Variants in PPARA observed in about 807,000 individuals in gnomAD.
PPARA encodes the protein peroxisome proliferator-activated receptor alpha.
PPARA carries 22 observed loss-of-function variants against 42.2 expected under a neutral mutation model. The ratio of observed to expected loss-of-function variants is 0.52; its 90% confidence interval spans 0.37 to 0.74. The LOEUF is 0.74. Ranked by LOEUF, PPARA falls within the 30% of genes least tolerant of loss-of-function variation. PPARA has a pLI of 0.00. For synonymous variants in PPARA, 242 were observed against 239.3 expected, an observed-to-expected ratio of 1.01 and a Z score of -0.10; for missense variants, 465 against 608.2, an observed-to-expected ratio of 0.76 and a Z score of 2.48.
rs112777348 is a variant in PPARA at position 46,222,076 on chromosome 22, C to CA, written c.711+2073dup. ...TGGGCAACAGAGTGAGACTCTGTCT[C>CA]AAAAAAAAAAAGAAAGGAAAAGAAA... On this transcript the variant is annotated intron_variant, in intron 7 of 8. Coordinates refer to ENST00000407236, the MANE Select transcript of PPARA (RefSeq NM_005036.6). This position sits in a 1 kb window ranked among gnomAD's most constrained non-coding sequence, Gnocchi z 5.9. Among the ~76,000 whole-genome samples, 2,475 of 140,914 alleles carry CA rather than the reference C, an allele frequency of 0.018. 70 individuals are homozygous for CA. Among genetic ancestry groups the CA allele is most frequent in the African/African-American group, 0.056 (2,177 of 38,554 alleles). 92.4% of individuals were successfully genotyped at this position (140,914 alleles called of 152,430 possible).
At chr22:46,175,652 T>C (rs1928930608) in intron 2 of PPARA, among the ~76,000 whole-genome samples, 1 of 151,672 alleles carries the variant, frequency 6.6e-6, no homozygotes, top group South Asian at 2.1e-4. Context: ...AGACGGAGCT[T>C]GTAGTGAGCT....
intron 7 of PPARA, among the ~76,000 whole-genome samples, chr22:46,223,908 C>T (rs570359751): frequency 2.0e-5 from 3 of 151,136 alleles, no homozygotes; most frequent in Non-Finnish European, 4.4e-5. Context: ...CGAGATCACA[C>T]CGGTGCACTC....
rs1931676181 is a variant in PPARA at position 46,192,338 on chromosome 22, CCAAA to C, written c.-42-6001_-42-5998del. Among the ~76,000 whole-genome samples the C allele has an allele frequency of 6.6e-6, 1 of 152,206 alleles. No individual in the cohort carries two copies. Among genetic ancestry groups the C allele is most frequent in the Non-Finnish European group, 1.5e-5 (1 of 68,042 alleles). ...TTATAACTCATTTTAGCCTAATCTTCCAAACAGTCACGCATCTAAGAGCAGGTGA... is the reference window on the plus strand; with the variant it reads ...TTATAACTCATTTTAGCCTAATCTTCCAGTCACGCATCTAAGAGCAGGTGA... On this transcript the variant is annotated intron_variant, in intron 3 of 8. Transcript: ENST00000407236. The surrounding 1 kb of genome is among the most constrained non-coding windows in gnomAD (Gnocchi z 4.3).
rs1934976899 is a variant in PPARA at position 46,221,242 on chromosome 22, C to CT, written c.711+1228_711+1229insT. On this transcript the variant is annotated intron_variant, in intron 7 of 8. Transcript: ENST00000407236. This position sits in a 1 kb window ranked among gnomAD's most constrained non-coding sequence, Gnocchi z 5.9. ...GTAGCACCAAGAGGATGGTGCTAAA[C>CT]CATTCATGAAGGATCACCCCCATGA... Among the ~76,000 whole-genome samples the CT allele has an allele frequency of 6.6e-6, 1 of 152,110 alleles. No homozygotes were observed. Among genetic ancestry groups the CT allele is most frequent in the Non-Finnish European group, 1.5e-5 (1 of 68,040 alleles).
intron 7 of PPARA, chr22:46,220,215 C>T (rs765029984): frequency 1.5e-6 from 1 of 675,800 alleles, no homozygotes; most frequent in Non-Finnish European, 2.6e-6. Context: ...CTTGGAGCCA[C>T]CTCAAAGCTC....
intron 4 of PPARA, among the ~76,000 whole-genome samples, chr22:46,202,318 C>T (rs1244396343): frequency 6.6e-6 from 1 of 152,174 alleles, no homozygotes; most frequent in African/African-American, 2.4e-5. Flanking sequence ...ATTTTTAACT[C>T]ATCTGGAAAT....
chr22:46,190,502 C>G lies in PPARA; in HGVS notation c.-42-7840C>G, dbSNP rs184028045. ...GGGTATGATGGCTCACACCAGTAAT[C>G]CCAACACTTAGAGGCCAAGCCGCGT... On this transcript the variant is annotated intron_variant, in intron 3 of 8. Coordinates refer to ENST00000407236, the MANE Select transcript of PPARA (RefSeq NM_005036.6). The surrounding 1 kb of genome is among the most constrained non-coding windows in gnomAD (Gnocchi z 5.6). 6.6e-6 allele frequency among the ~76,000 whole-genome samples: 1 copy of G among 152,282 alleles called. No homozygotes were observed. The highest frequency in any genetic ancestry group is 6.5e-5 in the Admixed American group (1 of 15,286).
chr22:46,218,850 G>A lies in PPARA; in HGVS notation c.508+449G>A, dbSNP rs1158529034. Among the ~76,000 whole-genome samples the A allele has an allele frequency of 8.0e-4, 90 of 113,030 alleles. 1 individual carries two copies. Among genetic ancestry groups the A allele is most frequent in the African/African-American group, 4.1e-3 (81 of 19,630 alleles). 74.2% of individuals were successfully genotyped at this position (113,030 alleles called of 152,430 possible). On this transcript the variant is annotated intron_variant, in intron 6 of 8. Transcript: ENST00000407236. ...TTCCGTCTCACAAAAAAAAAAAAAA[G>A]AAAAAGAAAGAAAGAAAGAAAATAA... is the stretch of plus-strand genomic sequence containing the variant.
At position 46,204,115 on chromosome 22, in the gene PPARA, G is replaced by A. The variant is rs894090527; in HGVS notation, c.208+5524G>A. On this transcript the variant is annotated intron_variant, in intron 4 of 8. Coordinates refer to ENST00000407236, the MANE Select transcript of PPARA (RefSeq NM_005036.6). The surrounding 1 kb of genome is among the most constrained non-coding windows in gnomAD (Gnocchi z 5.2). Reference sequence around the variant, plus strand: ...TTATATAAATGGAATCATACAGCACGTACTCTTTCTAGGCTGGCTTCTTTC... The same window carrying A: ...TTATATAAATGGAATCATACAGCACATACTCTTTCTAGGCTGGCTTCTTTC... Among the ~76,000 whole-genome samples, 3 of 152,162 alleles carry A rather than the reference G, an allele frequency of 2.0e-5. No individual in the cohort carries two copies. Among genetic ancestry groups the A allele is most frequent in the African/African-American group, 7.2e-5 (3 of 41,426 alleles).
Position 46,203,085 on chromosome 22 carries a change from T to C in PPARA, c.208+4494T>C, listed in dbSNP as rs1932927280. Among the ~76,000 whole-genome samples the C allele has an allele frequency of 6.6e-6, 1 of 152,172 alleles. No homozygotes were observed. On this transcript the variant is annotated intron_variant, in intron 4 of 8. Transcript: ENST00000407236. This position sits in a 1 kb window ranked among gnomAD's most constrained non-coding sequence, Gnocchi z 5.8. ...CCCATTTCTTATTTCCCCCTCAGCA[T>C]TTCCTCACTGTTATTCATACATGTG...
At chr22:46,208,899 C>CGTGT (rs35658961) in intron 4 of PPARA, among the ~76,000 whole-genome samples, 13 of 148,820 alleles carry the variant, frequency 8.7e-5, no homozygotes, top group African/African-American at 2.8e-4. Flanking sequence ...GAATAGTATT[C>CGTGT]GTGTGTGTGT....
At position 46,193,350 on chromosome 22, in the gene PPARA, G is replaced by A. The variant is rs1445413292; in HGVS notation, c.-42-4992G>A. Among the ~76,000 whole-genome samples, 1 of 152,160 alleles carries A rather than the reference G, an allele frequency of 6.6e-6. No individual in the cohort carries two copies. The highest frequency in any genetic ancestry group is 2.4e-5 in the African/African-American group (1 of 41,446). ...CCAAATGCTCAGATTACAGGCGTGAGCCACCGCACCTGGCCACTGTTTGAT... is the reference window on the plus strand; with the variant it reads ...CCAAATGCTCAGATTACAGGCGTGAACCACCGCACCTGGCCACTGTTTGAT... On this transcript the variant is annotated intron_variant, in intron 3 of 8. Transcript: ENST00000407236. The surrounding 1 kb of genome is among the most constrained non-coding windows in gnomAD (Gnocchi z 5.3).
rs996863467 is a variant in PPARA at position 46,153,163 on chromosome 22, C to CTTTT, written c.-127+1213_-127+1216dup. The stretch of plus-strand genomic sequence containing the variant: ...TGTTTTTTCTTTCTTTTCCCACATC[C>CTTTT]TTTTTTTTTTTTTTTTTTTTTTTGT... On this transcript the variant is annotated intron_variant, in intron 2 of 8. Transcript: ENST00000407236. Among the ~76,000 whole-genome samples, 745 of 109,232 alleles carry CTTTT rather than the reference C, an allele frequency of 6.8e-3. 1 individual carries two copies. The highest frequency in any genetic ancestry group is 9.2e-3 in the Non-Finnish European group (519 of 56,412). The allele number at this position is 109,232 out of a possible 152,430, so 71.7% of individuals were successfully genotyped here. A position where few individuals can be genotyped will look rare whatever the true frequency, so the allele number is the denominator to read the frequency against.
chr22:46,186,804 A>G (rs554988902), intron 3 of PPARA, among the ~76,000 whole-genome samples: 2 of 152,278 alleles, frequency 1.3e-5, no homozygotes, highest in Admixed American at 6.5e-5. Context: ...ATACACTCCA[A>G]GCCCCCACAG....
In PPARA at chr22:46,242,741, A is replaced by G. The variant is rs572183855; in HGVS notation, c.*7361A>G. 12,375 of 145,756 alleles carry G rather than the reference A, an allele frequency of 0.085. 608 individuals are homozygous for G. Among genetic ancestry groups the G allele is most frequent in the Non-Finnish European group, 0.12 (7,612 of 65,768 alleles). 9.0% of individuals were successfully genotyped at this position (145,756 alleles called of 1,614,324 possible). A position where few individuals can be genotyped will look rare whatever the true frequency, so the allele number is the denominator to read the frequency against. On this transcript the variant is annotated 3_prime_UTR_variant, in exon 9 of 9. Transcript: ENST00000407236. This position sits in a 1 kb window ranked among gnomAD's most constrained non-coding sequence, Gnocchi z 6.1. ...CGTACACGTGTGCGTGCACACACACACACACACACACACACACACAGCTCT... is the reference window on the plus strand; with the variant it reads ...CGTACACGTGTGCGTGCACACACACGCACACACACACACACACACAGCTCT...
rs111656940 is a variant in PPARA at position 46,163,018 on chromosome 22, G to A, written c.-127+11048G>A. Among the ~76,000 whole-genome samples the A allele has an allele frequency of 1.8e-4, 28 of 152,184 alleles. No individual in the cohort carries two copies. Among genetic ancestry groups the A allele is most frequent in the Admixed American group, 9.2e-4 (14 of 15,276 alleles). On this transcript the variant is annotated intron_variant, in intron 2 of 8. Transcript: ENST00000407236. This position sits in a 1 kb window ranked among gnomAD's most constrained non-coding sequence, Gnocchi z 4.9. ...TGATTCCCTGCCACTACCAACCACT[G>A]CATCGCATAACTGGCAGACTCCCAG...
At chr22:46,170,066 T>G (rs928633968) in intron 2 of PPARA, among the ~76,000 whole-genome samples, 3 of 152,060 alleles carry the variant, frequency 2.0e-5, no homozygotes, top group Admixed American at 2.0e-4. Flanking sequence ...AACAGCTGGC[T>G]TCTGTTCCAT....
chr22:46,169,063 G>C (rs998692900), intron 2 of PPARA, among the ~76,000 whole-genome samples: 1 of 151,852 alleles, frequency 6.6e-6, no homozygotes, highest in Non-Finnish European at 1.5e-5. Flanking sequence ...GGAACACAGG[G>C]CATGTTTAGG....
At chr22:46,189,199 T>G (rs1808482936) in intron 3 of PPARA, among the ~76,000 whole-genome samples, 2 of 152,372 alleles carry the variant, frequency 1.3e-5, no homozygotes, top group Admixed American at 1.3e-4. Context: ...TCTCTTATTT[T>G]GATATCACCA....
Sources: allele counts gnomAD v4.1 joint callset (sites outside exome capture counted in the v4.1 genomes callset), GRCh38; gene constraint gnomAD v4.1.1; non-coding constraint Gnocchi (gnomAD v3.1); transcripts MANE v1.5; gene names NCBI Gene and HGNC (gene_info 2026-07-23, HGNC 2026-07-21).